RFX2: variants seen among roughly 807,000 people sequenced by gnomAD.
RFX2 encodes the protein DNA-binding protein RFX2.
A neutral mutation model predicts 87.8 loss-of-function variants in RFX2; 20 were observed. The ratio of observed to expected loss-of-function variants is 0.23; its 90% CI spans 0.16 to 0.33. The LOEUF (loss-of-function observed/expected upper bound fraction) is 0.33. Ranked by LOEUF, RFX2 falls within the 10% of genes least tolerant of loss-of-function variation. The probability of loss-of-function intolerance (pLI) is 1.00; values close to 1 mark genes in which losing one functional copy is unlikely to be tolerated. For missense variants in RFX2, 767 were observed against 1,012.3 expected (o/e 0.76, Z 3.29); for synonymous variants, 397 against 431.3 (o/e 0.92, Z 0.98).
intron 1 of RFX2, among the ~76,000 whole-genome samples, chr19:6,104,978 C>T (rs773424435): frequency 1.3e-5 from 2 of 151,490 alleles, no homozygotes; most frequent in Non-Finnish European, 2.9e-5. Flanking sequence ...ATTAGCTGAG[C>T]GTTGTGGCAC....
rs2086509138 is a variant in RFX2, at chr19:6,002,732, C to G, written c.1639G>C (p.Ala547Pro). The G allele has an allele frequency of 1.2e-6, 2 of 1,613,650 alleles. No individual in the cohort carries two copies. Among genetic ancestry groups the G allele is most frequent in the East Asian group, 4.5e-5 (2 of 44,876 alleles). Residue 547 changes from alanine to proline, a missense_variant, in exon 14 of 18, where the codon GCC (alanine) becomes CCC (proline). Ala to Pro is a conservative substitution (Grantham distance 27). Around this residue, in one of 2 missense-constraint regions of RFX2, gnomAD observed 621 missense variants for 873.0 expected, o/e 0.71. Transcript: ENST00000303657. This position sits in a 1 kb window ranked among gnomAD's most constrained non-coding sequence, Gnocchi z 6.7. ...GTGGAGGAAGTCACCTGCACGTTGG[C>G]AAAGTCCACGCGGTTGAGGTCGCTG... Reference protein sequence around the residue: ...MLSDLNRVDFANVQEQASWVC... With the variant: ...MLSDLNRVDFPNVQEQASWVC...
rs531129579 is a variant in RFX2 at position 6,105,449 on chromosome 19, C to T, written c.-9+4944G>A. Among the ~76,000 whole-genome samples, 6 of 152,194 alleles carry T rather than the reference C, an allele frequency of 3.9e-5. No individual in the cohort carries two copies. In the East Asian group the frequency reaches 5.8e-4, roughly 15 times the overall value. On this transcript the variant is annotated intron_variant, in intron 1 of 17. Transcript: ENST00000303657. ...CAGTGAGGGAAGGCATCTAGCTTGG[C>T]GATGAGGTCAAAGAGGTATTAGGCT...
In RFX2 at chr19:6,004,441, G is replaced by A. The variant is rs1239084888; in HGVS notation, c.1403-143C>T. Reference sequence around the variant, plus strand: ...GCCACACAGGCGACGGGGAACCGAGGACACTTAGAAACGGGAAGAACCAGG... The same window carrying A: ...GCCACACAGGCGACGGGGAACCGAGAACACTTAGAAACGGGAAGAACCAGG... On this transcript the variant is annotated intron_variant, in intron 12 of 17. Transcript: ENST00000303657. This position sits in a 1 kb window ranked among gnomAD's most constrained non-coding sequence, Gnocchi z 4.8. 4 of 690,276 alleles carry A rather than the reference G, an allele frequency of 5.8e-6. No homozygotes were observed. The Admixed American group carries it at 8.5e-5, about 15-fold the overall frequency. 42.8% of individuals were successfully genotyped at this position (690,276 alleles called of 1,614,324 possible).
chr19:6,050,314 G>C lies in RFX2; in HGVS notation c.-8-2810C>G, dbSNP rs1258314592. Among the ~76,000 whole-genome samples the C allele has an allele frequency of 6.6e-6, 1 of 151,680 alleles. No homozygotes were observed. Among genetic ancestry groups the C allele is most frequent in the East Asian group, 1.9e-4 (1 of 5,194 alleles). The stretch of plus-strand genomic sequence containing the variant: ...AACCATGAGCTATGAAAAGAAACAG[G>C]AAAGTGTAACATACACTCAAAAGAA... On this transcript the variant is annotated intron_variant, in intron 1 of 17. Transcript: ENST00000303657. The surrounding 1 kb of genome is among the most constrained non-coding windows in gnomAD (Gnocchi z 4.6).
At chr19:5,996,331 G>A (rs1041846295) in intron 16 of RFX2, among the ~76,000 whole-genome samples, 1 of 40,632 alleles carries the variant, frequency 2.5e-5, no homozygotes, top group Non-Finnish European at 4.9e-5. Context: ...CAGCACGGAG[G>A]GACGAGCGGT....
chr19:6,048,956 G>T (rs1568524540), intron 1 of RFX2, among the ~76,000 whole-genome samples: 1 of 144,680 alleles, frequency 6.9e-6, no homozygotes, highest in Non-Finnish European at 1.5e-5. Context: ...TCTGTTCTGT[G>T]TGAGCCTGAC....
Position 6,098,965 on chromosome 19 carries a change from CA to C in RFX2, c.-9+11427del, listed in dbSNP as rs34110529. 8.4e-3 allele frequency among the ~76,000 whole-genome samples: 441 copies of C among 52,728 alleles called. 1 individual carries two copies. The highest frequency in any genetic ancestry group is 0.022 in the East Asian group (37 of 1,650). 34.6% of individuals were successfully genotyped at this position (52,728 alleles called of 152,430 possible). A position where few individuals can be genotyped will look rare whatever the true frequency, so the allele number is the denominator to read the frequency against. On this transcript the variant is annotated intron_variant, in intron 1 of 17. Coordinates refer to ENST00000303657, the MANE Select transcript of RFX2 (RefSeq NM_000635.4). ...AATCTTTCACAAACTGCTTGAACCA[CA>C]AAAAAAAAAAAAAAAAAAAAAAAAA...
Position 6,042,103 on chromosome 19 carries a change from C to T in RFX2, c.201G>A (p.Val67=), listed in dbSNP as rs2087118118. 1 of 1,613,856 alleles carries T rather than the reference C, an allele frequency of 6.2e-7. No homozygotes were observed. The highest frequency in any genetic ancestry group is 1.7e-5 in the Admixed American group (1 of 60,016). The change falls in exon 4 of 18, where the codon GTG becomes GTA. Residue 67 remains valine (V), a synonymous_variant. Transcript: ENST00000303657. ...VPQQVQPVQH[V]YPAQVQYVEG... ...CCACGTACTGCACCTGGGCAGGATA[C>T]ACGTGCTGCACCGGCTGCACCTGAA...
intron 1 of RFX2, among the ~76,000 whole-genome samples, chr19:6,099,787 T>A (rs1360005705): frequency 2.6e-5 from 4 of 152,172 alleles, no homozygotes; most frequent in Non-Finnish European, 4.4e-5. Flanking sequence ...TTGCCTGCAG[T>A]CCTTGCCACT....
intron 15 of RFX2, among the ~76,000 whole-genome samples, chr19:6,000,550 AGAT>A (rs2086477338): frequency 6.6e-6 from 1 of 152,248 alleles, no homozygotes; most frequent in African/African-American, 2.4e-5. Flanking sequence ...TCATGGAGAC[AGAT>A]GTTTCCTGTG....
chr19:6,042,748 G>A (rs1259502319), intron 3 of RFX2, among the ~76,000 whole-genome samples: 1 of 152,182 alleles, frequency 6.6e-6, no homozygotes, highest in African/African-American at 2.4e-5. Context: ...GCACACCCCC[G>A]CTGCCCTGCC....
Position 6,011,926 on chromosome 19 carries a change from C to G in RFX2, c.899+1060G>C, listed in dbSNP as rs2086664639. Among the ~76,000 whole-genome samples, 1 of 152,248 alleles carries G rather than the reference C, an allele frequency of 6.6e-6. No homozygotes were observed. The highest frequency in any genetic ancestry group is 1.5e-5 in the Non-Finnish European group (1 of 68,048). On this transcript the variant is annotated intron_variant, in intron 8 of 17. Coordinates refer to ENST00000303657, the MANE Select transcript of RFX2 (RefSeq NM_000635.4). This position sits in a 1 kb window ranked among gnomAD's most constrained non-coding sequence, Gnocchi z 4.8. ...AGTGATATTTGAATGGGCCCTAAAC[C>G]AGGGGCCAGCAAACTATGGCCTGAG...
chr19:6,039,848 TGGGGC>T lies in RFX2; in HGVS notation c.522+127_522+131del. ...GTCTGAGGCTGGCCCGACTCCATCGTGGGGCCGCCTGGGCCCAGAGCAGACGACAG... is the reference window on the plus strand; with the variant it reads ...GTCTGAGGCTGGCCCGACTCCATCGTCGCCTGGGCCCAGAGCAGACGACAG... On this transcript the variant is annotated intron_variant, in intron 5 of 17. Coordinates refer to ENST00000303657, the MANE Select transcript of RFX2 (RefSeq NM_000635.4). This position sits in a 1 kb window ranked among gnomAD's most constrained non-coding sequence, Gnocchi z 5.2. 1 of 1,121,520 alleles carries T rather than the reference TGGGGC, an allele frequency of 8.9e-7. No homozygotes were observed. The highest frequency in any genetic ancestry group is 1.6e-5 in the African/African-American group (1 of 63,466). 69.5% of individuals were successfully genotyped at this position (1,121,520 alleles called of 1,614,324 possible).
At chr19:5,995,711 G>GA in intron 16 of RFX2, 68 bp from the exon 17 acceptor site, 1 of 1,401,970 alleles carries the variant, frequency 7.1e-7, no homozygotes, top group Non-Finnish European at 9.9e-7. Context: ...GGGCTCGGGG[G>GA]ATGCCGGCCC....
rs772669666 is a variant in RFX2, at chr19:5,995,615, G to A, written c.2042C>T (p.Thr681Met). 52 of 1,552,418 alleles carry A rather than the reference G, an allele frequency of 3.3e-5. No homozygotes were observed. The East Asian group carries it at 6.3e-4, about 19-fold the overall frequency. ...GACGCACCTACCTTTGTCGAGCAGC[G>A]TCAGCGACAGAGAGGCGAGATCGTT... is the stretch of plus-strand genomic sequence containing the variant. ...EFNDLASLSL[T>M]LLDKDDMGDE... The change falls in exon 17 of 18, where the codon ACG (threonine) becomes ATG (methionine). Residue 681 changes from threonine to methionine, a missense_variant. Transcript: ENST00000303657.
In RFX2 at chr19:6,065,540, G is replaced by A. The variant is rs956791890; in HGVS notation, c.-8-18036C>T. Among the ~76,000 whole-genome samples the A allele has an allele frequency of 2.6e-5, 4 of 152,118 alleles. No individual in the cohort carries two copies. In the East Asian group the frequency reaches 7.7e-4, roughly 29 times the overall value. On this transcript the variant is annotated intron_variant, in intron 1 of 17. Transcript: ENST00000303657. ...CGGGCGCCTGTAGTCCCAGCTACTC[G>A]GGAGGCTGAGGCGGAAGAATGGCGT...
rs1028730815 is a variant in RFX2, at chr19:5,998,570, T to C, written c.1860-1357A>G. On this transcript the variant is annotated intron_variant, in intron 15 of 17. Transcript: ENST00000303657. This position sits in a 1 kb window ranked among gnomAD's most constrained non-coding sequence, Gnocchi z 4.2. ...GCTGTCTATCCTTAAGTGTCAAGCA[T>C]AGCTGCAAAGCCCCCAGCCCCCTCC... Among the ~76,000 whole-genome samples, 2 of 152,224 alleles carry C rather than the reference T, an allele frequency of 1.3e-5. No homozygotes were observed. Among genetic ancestry groups the C allele is most frequent in the African/African-American group, 2.4e-5 (1 of 41,468 alleles).
chr19:6,092,885 A>G (rs901101503), intron 1 of RFX2, among the ~76,000 whole-genome samples: 4 of 152,220 alleles, frequency 2.6e-5, no homozygotes, highest in Non-Finnish European at 5.9e-5. Context: ...TTAAGAAGCT[A>G]AAGAGTTTGT....
chr19:6,000,187 G>A (rs1426724931), intron 15 of RFX2, among the ~76,000 whole-genome samples: 2 of 152,190 alleles, frequency 1.3e-5, no homozygotes, highest in Non-Finnish European at 2.9e-5. Context: ...GTTTCGCCAT[G>A]TTGGCCAGTC....
Sources: allele counts gnomAD v4.1 joint callset (sites outside exome capture counted in the v4.1 genomes callset), GRCh38; gene constraint gnomAD v4.1.1; regional missense constraint gnomAD v4.1.1; non-coding constraint Gnocchi (gnomAD v3.1); transcripts MANE v1.5; gene names NCBI Gene and HGNC (gene_info 2026-07-23, HGNC 2026-07-21).